The following SMG6 variants were observed in gnomAD, a reference collection of about 807,000 sequenced individuals.
SMG6 encodes SMG6 nonsense mediated mRNA decay factor.
Under a neutral mutation model 142.2 loss-of-function variants are expected in SMG6, and 66 were observed. The observed-to-expected ratio is 0.46, with a 90% CI of 0.38 to 0.57. SMG6 has a LOEUF of 0.57. SMG6 is among the 20% of genes least tolerant of loss of function. The pLI is 0.00. For synonymous variants in SMG6, 779 were observed against 702.4 expected, an observed-to-expected ratio of 1.11 and a Z score of -1.72; for missense variants, 1,793 against 1,832.0, an observed-to-expected ratio of 0.98 and a Z score of 0.39.
At chr17:2,062,289 A>G (rs757064199) in intron 18 of SMG6, 5 of 152,290 alleles carry the variant, frequency 3.3e-5, no homozygotes, top group Non-Finnish European at 7.3e-5. Flanking sequence ...GGAAGAGTAG[A>G]GTTAAGATGA....
intron 9 of SMG6, among the ~76,000 whole-genome samples, chr17:2,241,987 G>A (rs1211697205): frequency 6.6e-6 from 1 of 152,130 alleles, no homozygotes; most frequent in Non-Finnish European, 1.5e-5. Context: ...AGCACATTTG[G>A]TGCACAGTGG....
intron 15 of SMG6, among the ~76,000 whole-genome samples, chr17:2,073,517 T>C (rs1233341022): frequency 4.0e-5 from 6 of 151,164 alleles, no homozygotes; most frequent in Admixed American, 3.9e-4. Context: ...GAGACCAGCC[T>C]GGCCAACATC....
chr17:2,136,695 G>A (rs914526374), intron 13 of SMG6, among the ~76,000 whole-genome samples: 10 of 150,236 alleles, frequency 6.7e-5, no homozygotes, highest in Non-Finnish European at 1.3e-4. Flanking sequence ...CACCAAAGAC[G>A]ATTCAATCCC....
At chr17:2,247,187 A>C (rs1167170933) in intron 8 of SMG6, among the ~76,000 whole-genome samples, 1 of 152,144 alleles carries the variant, frequency 6.6e-6, no homozygotes, top group African/African-American at 2.4e-5. Context: ...ACCTGTAAAC[A>C]CTCAATTGTT....
intron 8 of SMG6, among the ~76,000 whole-genome samples, chr17:2,251,956 C>T (rs2074055354): frequency 6.6e-6 from 1 of 151,944 alleles, no homozygotes; most frequent in Admixed American, 6.6e-5. Context: ...ACAAAATTAG[C>T]CGGGCGTGGT....
chr17:2,114,396 A>G (rs1266673884), intron 13 of SMG6, among the ~76,000 whole-genome samples: 1 of 152,194 alleles, frequency 6.6e-6, no homozygotes, highest in Non-Finnish European at 1.5e-5. Context: ...CTAAAAATAA[A>G]TAAATAAATA....
At chr17:2,186,868 G>A (rs2072005041) in intron 11 of SMG6, 37 bp from the exon 12 acceptor site, 1 of 1,605,292 alleles carries the variant, frequency 6.2e-7, no homozygotes, top group Non-Finnish European at 8.5e-7. Context: ...GCCTATGTCT[G>A]CTGTAGCCCC....
intron 1 of SMG6, chr17:2,302,984 G>A (rs2075317716): frequency 2.0e-6 from 2 of 985,470 alleles, no homozygotes; most frequent in Middle Eastern, 5.2e-4. Context: ...CCTAACGCAG[G>A]AGAGGTGAGA....
intron 8 of SMG6, chr17:2,266,018 A>C (rs768080003): frequency 1.0e-6 from 1 of 985,272 alleles, no homozygotes; most frequent in Non-Finnish European, 1.2e-6. Flanking sequence ...TTTCTTCTGA[A>C]TGTTCATTTT....
At chr17:2,211,137 TG>T (rs2072847404) in intron 10 of SMG6, among the ~76,000 whole-genome samples, 1 of 144,056 alleles carries the variant, frequency 6.9e-6, no homozygotes, top group Non-Finnish European at 1.5e-5. Flanking sequence ...ACATAGAACA[TG>T]CTATAACAGG....
intron 13 of SMG6, among the ~76,000 whole-genome samples, chr17:2,107,013 G>A (rs905636805): frequency 1.3e-5 from 2 of 152,010 alleles, no homozygotes; most frequent in African/African-American, 2.4e-5. Flanking sequence ...TAGTAGAGAC[G>A]TTTAGTATTT....
chr17:2,294,334 C>T (rs1248757079), intron 4 of SMG6, among the ~76,000 whole-genome samples: 1 of 152,224 alleles, frequency 6.6e-6, no homozygotes, highest in African/African-American at 2.4e-5. Flanking sequence ...TGCCTCCATA[C>T]TACATCCACT....
At chr17:2,246,793 A>C (rs2073937737) in intron 8 of SMG6, among the ~76,000 whole-genome samples, 1 of 152,158 alleles carries the variant, frequency 6.6e-6, no homozygotes. Context: ...TAAAAATACA[A>C]AAATTAGCTG....
intron 12 of SMG6, among the ~76,000 whole-genome samples, chr17:2,180,412 C>A (rs2071769969): frequency 6.6e-6 from 1 of 152,192 alleles, no homozygotes; most frequent in Admixed American, 6.5e-5. Context: ...ACGGGTACAA[C>A]TGGGGAGTCA....
intron 13 of SMG6, among the ~76,000 whole-genome samples, chr17:2,134,509 C>T (rs188349643): frequency 2.7e-5 from 4 of 146,160 alleles, no homozygotes; most frequent in Admixed American, 2.1e-4. Flanking sequence ...GATAGCACTA[C>T]GGAAAATGCT....
chr17:2,258,456 A>G (rs893947995), intron 8 of SMG6, among the ~76,000 whole-genome samples: 1 of 151,312 alleles, frequency 6.6e-6, no homozygotes. Flanking sequence ...TACTGGGGAG[A>G]CTGAGGCAGG....
intron 10 of SMG6, among the ~76,000 whole-genome samples, chr17:2,207,160 T>C (rs1287959281): frequency 6.8e-6 from 1 of 147,562 alleles, no homozygotes; most frequent in Admixed American, 6.8e-5. Flanking sequence ...TGGTGGTACA[T>C]GCCTATAATC....
chr17:2,140,939 G>T (rs1348376825), intron 13 of SMG6, among the ~76,000 whole-genome samples: 1 of 152,200 alleles, frequency 6.6e-6, no homozygotes, highest in Non-Finnish European at 1.5e-5. Context: ...AACTGTTTAT[G>T]ATTCAAAAGG....
chr17:2,294,499 G>C (rs1175273785), intron 4 of SMG6, among the ~76,000 whole-genome samples: 1 of 152,210 alleles, frequency 6.6e-6, no homozygotes. Flanking sequence ...AGTCAGACCA[G>C]ACTCCAAAGT....
Sources: gnomAD v4.1 joint callset for allele counts (sites outside exome capture counted in the v4.1 genomes callset) on GRCh38, gnomAD v4.1.1 for gene constraint, MANE v1.5 for transcripts, NCBI Gene and HGNC (gene_info 2026-07-23, HGNC 2026-07-21) for gene names.